Variants in EVC2 observed in about 807,000 individuals in gnomAD.
EVC2 encodes limbin.
A neutral mutation model predicts 149.3 loss-of-function variants in EVC2; 148 were observed. The observed-to-expected ratio is 0.99, with a 90% CI of 0.87 to 1.14. The LOEUF is 1.14. Among genes scored for constraint, EVC2 ranks in the 50% most tolerant of loss-of-function variants. The pLI, the probability that EVC2 is intolerant of heterozygous loss-of-function variation, is 0.00. For missense variants in EVC2, 1,854 were observed against 1,627.3 expected, an observed-to-expected ratio of 1.14 and a Z score of -2.40; for synonymous variants, 776 against 649.9, an observed-to-expected ratio of 1.19 and a Z score of -2.95.
intron 21 of EVC2, among the ~76,000 whole-genome samples, chr4:5,545,045 G>T: frequency 6.6e-6 from 1 of 152,162 alleles, no homozygotes; most frequent in Middle Eastern, 3.2e-3. Flanking sequence ...AGGCTCAGGT[G>T]CAACGTTCTA....
chr4:5,663,396 C>A, intron 8 of EVC2, 150 bp from the exon 9 acceptor site: 1 of 1,018,196 alleles, frequency 9.8e-7, no homozygotes, highest in Non-Finnish European at 1.5e-6. Context: ...CAAGCTTTTG[C>A]GAATGTCCCT....
At chr4:5,605,142 T>C (rs1463936505) in intron 16 of EVC2, among the ~76,000 whole-genome samples, 1 of 152,200 alleles carries the variant, frequency 6.6e-6, no homozygotes, top group Non-Finnish European at 1.5e-5. Context: ...ACTGTTTATG[T>C]TATTTGTAAG....
chr4:5,691,237 C>G lies in EVC2; in HGVS notation c.519+28G>C, dbSNP rs775795303. The G allele has an allele frequency of 6.3e-6, 10 of 1,599,164 alleles. No individual in the cohort carries two copies. The South Asian group carries it at 1.1e-4, about 18-fold the overall frequency. On this transcript the variant is annotated intron_variant, in intron 4 of 21. Coordinates refer to ENST00000344408, the MANE Select transcript of EVC2 (RefSeq NM_147127.5). Reference sequence around the variant, plus strand: ...GGGCAAAATCCAATTATTTTCTCTTCAAATATACACCACCAGTGGAAACTT... The same window carrying G: ...GGGCAAAATCCAATTATTTTCTCTTGAAATATACACCACCAGTGGAAACTT...
At chr4:5,598,438 T>A (rs1267244613) in intron 16 of EVC2, among the ~76,000 whole-genome samples, 29 of 152,150 alleles carry the variant, frequency 1.9e-4, no homozygotes, top group African/African-American at 6.5e-4. Flanking sequence ...ATCTGATCTT[T>A]GACAAACCTG....
At chr4:5,666,995 C>A (rs1719326674) in intron 7 of EVC2, among the ~76,000 whole-genome samples, 1 of 152,066 alleles carries the variant, frequency 6.6e-6, no homozygotes, top group African/African-American at 2.4e-5. Flanking sequence ...CAGAAGTGTG[C>A]CTGATGGCCT....
Position 5,696,231 on chromosome 4 carries a change from G to C in EVC2, c.283+1362C>G, listed in dbSNP as rs553734606. ...TCTTAAGGCCACACCTTACCCTTAA[G>C]CGCTCCATCTCTGGTCCACCCGTTT... On this transcript the variant is annotated intron_variant, in intron 2 of 21. Transcript: ENST00000344408. The surrounding 1 kb of genome is among the most constrained non-coding windows in gnomAD (Gnocchi z 4.1). 6.6e-6 allele frequency among the ~76,000 whole-genome samples: 1 copy of C among 152,330 alleles called. No homozygotes were observed. Among genetic ancestry groups the C allele is most frequent in the Admixed American group, 6.5e-5 (1 of 15,302 alleles).
intron 9 of EVC2, 25 bp downstream of exon 9, chr4:5,663,082 G>A: frequency 6.2e-7 from 1 of 1,613,510 alleles, no homozygotes. Flanking sequence ...ATGTGTGTAA[G>A]TATAATGGGA....
intron 19 of EVC2, among the ~76,000 whole-genome samples, chr4:5,571,217 C>T (rs1214551341): frequency 6.7e-6 from 1 of 150,362 alleles, no homozygotes; most frequent in Non-Finnish European, 1.5e-5. Context: ...ACTCAGGAGG[C>T]CGAGGCAGGG....
At chr4:5,606,860 C>T (rs1479003490) in intron 16 of EVC2, among the ~76,000 whole-genome samples, 1 of 152,102 alleles carries the variant, frequency 6.6e-6, no homozygotes, top group Admixed American at 6.5e-5. Flanking sequence ...CTTCTATTAT[C>T]CACACTTGAA....
rs180748895 is a variant in EVC2 at position 5,595,930 on chromosome 4, T to C, written c.2830-11080A>G. 7.3e-3 allele frequency among the ~76,000 whole-genome samples: 1,115 copies of C among 152,218 alleles called. 6 individuals carry two copies. Among genetic ancestry groups the C allele is most frequent in the African/African-American group, 0.026 (1,071 of 41,512 alleles). On this transcript the variant is annotated intron_variant, in intron 16 of 21. Coordinates refer to ENST00000344408, the MANE Select transcript of EVC2 (RefSeq NM_147127.5). ...CAGGGGTTGCAATCCTAGTCTCTGA[T>C]AAAACAGAATTTAAACCAACAAAGA...
chr4:5,682,969 C>T (rs2151725825), intron 6 of EVC2, among the ~76,000 whole-genome samples: 1 of 152,198 alleles, frequency 6.6e-6, no homozygotes, highest in East Asian at 1.9e-4. Context: ...TTTTCTGTAA[C>T]CTGAGCTATG....
downstream of EVC2, chr4:5,562,394 A>G (rs953784212): frequency 2.4e-5 from 23 of 942,268 alleles, no homozygotes; most frequent in African/African-American, 2.6e-4. This position sits in a 1 kb window ranked among gnomAD's most constrained non-coding sequence, Gnocchi z 4.3. Flanking sequence ...AATTTCAAAT[A>G]AATGCTTCCT....
chr4:5,536,232 T>C, the EVC2 span, among the ~76,000 whole-genome samples: 3 of 152,180 alleles, frequency 2.0e-5, no homozygotes, highest in African/African-American at 4.8e-5. Context: ...AATGTGGGTA[T>C]TGACACTCTA....
At chr4:5,648,858 C>T (rs2108875483) in intron 9 of EVC2, among the ~76,000 whole-genome samples, 1 of 152,248 alleles carries the variant, frequency 6.6e-6, no homozygotes, top group Admixed American at 6.5e-5. Flanking sequence ...CCCTCTACGT[C>T]GATTAAAATA....
rs1360260333 is a variant in EVC2, at chr4:5,689,155, A to G, written c.706+2T>C. On this transcript the variant is annotated splice_donor_variant, in intron 5 of 21. Coordinates refer to ENST00000344408, the MANE Select transcript of EVC2 (RefSeq NM_147127.5). LOFTEE classifies it high-confidence loss of function. Reference sequence around the variant, plus strand: ...CCTGACTTCAGAACGCTTTGCTGTTACCTTGCAGAAACTTCTTGCTAAAAG... The same window carrying G: ...CCTGACTTCAGAACGCTTTGCTGTTGCCTTGCAGAAACTTCTTGCTAAAAG... The G allele has an allele frequency of 8.1e-6, 13 of 1,614,014 alleles. No individual in the cohort carries two copies. Among genetic ancestry groups the G allele is most frequent in the Non-Finnish European group, 1.1e-5 (13 of 1,180,036 alleles).
At position 5,596,641 on chromosome 4, in the gene EVC2, A is replaced by G. The variant is rs148281527; in HGVS notation, c.2830-11791T>C. ...AGGAAAGATCCAAAATTGACACCCT[A>G]ACATCACAATTAAAAGAACTACAGA... On this transcript the variant is annotated intron_variant, in intron 16 of 21. Transcript: ENST00000344408. 5.4e-3 allele frequency among the ~76,000 whole-genome samples: 827 copies of G among 152,312 alleles called. 10 individuals carry two copies. Among genetic ancestry groups the G allele is most frequent in the African/African-American group, 0.019 (780 of 41,560 alleles).
At chr4:5,599,842 G>A (rs1007165852) in intron 16 of EVC2, among the ~76,000 whole-genome samples, 1 of 152,180 alleles carries the variant, frequency 6.6e-6, no homozygotes. Context: ...GATGGGAAAT[G>A]TTTAAAACTC....
intron 21 of EVC2, among the ~76,000 whole-genome samples, chr4:5,546,197 A>G (rs866535517): frequency 1.1e-4 from 17 of 152,228 alleles, no homozygotes; most frequent in South Asian, 2.1e-4. Flanking sequence ...CATTTGACCC[A>G]GCCATCCCAT....
chr4:5,623,545 G>A (rs756787672), intron 13 of EVC2, among the ~76,000 whole-genome samples: 17 of 152,016 alleles, frequency 1.1e-4, no homozygotes, highest in Non-Finnish European at 1.9e-4. Context: ...TCACCATGTT[G>A]GCTGAGCTCC....
Sources: allele counts gnomAD v4.1 joint callset (sites outside exome capture counted in the v4.1 genomes callset), GRCh38; gene constraint gnomAD v4.1.1; non-coding constraint Gnocchi (gnomAD v3.1); transcripts MANE v1.5; gene names NCBI Gene and HGNC (gene_info 2026-07-23, HGNC 2026-07-21).